Variants in VWC2 observed in about 807,000 individuals in gnomAD.
VWC2 encodes the protein brorin.
In VWC2, 14 loss-of-function variants were observed where a neutral mutation model predicts 29.8. That is an observed-to-expected ratio of 0.47 (90% CI 0.31 to 0.74). VWC2 has a LOEUF of 0.74. Among genes scored for constraint, VWC2 ranks in the 30% least tolerant of loss-of-function variants. The probability of loss-of-function intolerance (pLI) is 0.05; values close to 1 mark genes in which losing one functional copy is unlikely to be tolerated. For missense variants in VWC2, 457 were observed against 459.8 expected, an observed-to-expected ratio of 0.99 and a Z score of 0.05; for synonymous variants, 213 against 199.0, an observed-to-expected ratio of 1.07 and a Z score of -0.59.
At chr7:49,788,807 G>A (rs964611334) in intron 2 of VWC2, among the ~76,000 whole-genome samples, 11 of 146,012 alleles carry the variant, frequency 7.5e-5, no homozygotes, top group African/African-American at 2.0e-4. Context: ...TGACTGTGTG[G>A]GTGCGTGTGA....
chr7:49,844,165 G>C (rs1789864057), intron 3 of VWC2, among the ~76,000 whole-genome samples: 1 of 152,206 alleles, frequency 6.6e-6, no homozygotes, highest in African/African-American at 2.4e-5. Context: ...GGAAAGGTCT[G>C]CTCAGACGGG....
At position 49,915,613 on chromosome 7, in the gene VWC2, A is replaced by G. The variant is rs1420669891; in HGVS notation, c.*3428A>G. On this transcript the variant is annotated 3_prime_UTR_variant, in exon 4 of 4. Coordinates refer to ENST00000340652, the MANE Select transcript of VWC2 (RefSeq NM_198570.5). ...ACATTATCTGAAACTTACAAAATAT[A>G]CACTGTTTCAAACAAGCATTGTTGG... is the stretch of plus-strand genomic sequence containing the variant. The G allele has an allele frequency of 6.6e-6, 1 of 152,202 alleles. No homozygotes were observed. Among genetic ancestry groups the G allele is most frequent in the Non-Finnish European group, 1.5e-5 (1 of 68,032 alleles). The allele number at this position is 152,202 out of a possible 1,614,324, so 9.4% of individuals were successfully genotyped here. A position where few individuals can be genotyped will look rare whatever the true frequency, so the allele number is the denominator to read the frequency against.
chr7:49,863,957 TTTTC>T (rs1790776440), intron 3 of VWC2, among the ~76,000 whole-genome samples: 1 of 152,186 alleles, frequency 6.6e-6, no homozygotes, highest in Admixed American at 6.5e-5. Flanking sequence ...TTAAAATATT[TTTTC>T]TTTATTTTGT....
intron 3 of VWC2, among the ~76,000 whole-genome samples, chr7:49,884,924 T>G (rs1313203732): frequency 6.6e-6 from 1 of 152,126 alleles, no homozygotes; most frequent in African/African-American, 2.4e-5. Flanking sequence ...AACTAATTCC[T>G]TGACCAATGA....
intron 3 of VWC2, among the ~76,000 whole-genome samples, chr7:49,869,725 A>G (rs763650527): frequency 7.9e-5 from 12 of 152,186 alleles, no homozygotes; most frequent in Admixed American, 1.3e-4. Context: ...TTGATGTGAC[A>G]AACTTAAATC....
At chr7:49,817,132 G>A (rs531093716) in intron 3 of VWC2, among the ~76,000 whole-genome samples, 72 of 152,258 alleles carry the variant, frequency 4.7e-4, no homozygotes, top group Admixed American at 1.9e-3. Flanking sequence ...TTAAATTTCC[G>A]GCTGTATTTC....
intron 3 of VWC2, among the ~76,000 whole-genome samples, chr7:49,855,653 A>G (rs1384659908): frequency 3.9e-5 from 6 of 152,194 alleles, no homozygotes; most frequent in African/African-American, 1.4e-4. Flanking sequence ...CAGTTCTCCA[A>G]AATAATTTCT....
chr7:49,888,812 G>A (rs891223759), intron 3 of VWC2, among the ~76,000 whole-genome samples: 1 of 152,152 alleles, frequency 6.6e-6, no homozygotes, highest in Non-Finnish European at 1.5e-5. Flanking sequence ...TTTGGGGGCC[G>A]AGGCAGGAGA....
chr7:49,860,809 A>G lies in VWC2; in HGVS notation c.827-51225A>G, dbSNP rs564437632. Among the ~76,000 whole-genome samples the G allele has an allele frequency of 1.1e-3, 174 of 152,352 alleles. 1 individual carries two copies. Among genetic ancestry groups the G allele is most frequent in the African/African-American group, 4.0e-3 (165 of 41,582 alleles). On this transcript the variant is annotated intron_variant, in intron 3 of 3. Coordinates refer to ENST00000340652, the MANE Select transcript of VWC2 (RefSeq NM_198570.5). ...TAATAGGGTTGGTCTCCCTATAAGA[A>G]GAAGAGACACCAAGGATGTGTGCAC...
intron 3 of VWC2, among the ~76,000 whole-genome samples, chr7:49,821,512 A>AT (rs1254703742): frequency 6.6e-6 from 1 of 152,228 alleles, no homozygotes; most frequent in African/African-American, 2.4e-5. Context: ...AGTAAAACAA[A>AT]TCCTGCTACT....
At chr7:49,889,509 G>A (rs1792038663) in intron 3 of VWC2, among the ~76,000 whole-genome samples, 1 of 152,186 alleles carries the variant, frequency 6.6e-6, no homozygotes, top group Non-Finnish European at 1.5e-5. Context: ...ATTGAAATGG[G>A]TCCAGTGAAA....
At chr7:49,851,358 A>T (rs1790172680) in intron 3 of VWC2, among the ~76,000 whole-genome samples, 1 of 152,160 alleles carries the variant, frequency 6.6e-6, no homozygotes, top group East Asian at 1.9e-4. Context: ...GTGGACAGAC[A>T]TTCTGGGAGC....
intron 3 of VWC2, among the ~76,000 whole-genome samples, chr7:49,878,851 G>C (rs1312538816): frequency 3.9e-5 from 6 of 152,134 alleles, no homozygotes; most frequent in Non-Finnish European, 2.9e-5. Flanking sequence ...TTATGTACCA[G>C]GCGTGGCTTT....
chr7:49,823,526 T>C (rs1281490516), intron 3 of VWC2, among the ~76,000 whole-genome samples: 2 of 152,158 alleles, frequency 1.3e-5, no homozygotes, highest in Non-Finnish European at 2.9e-5. Context: ...TCCCTGGACA[T>C]TGGGCATTTT....
intron 3 of VWC2, among the ~76,000 whole-genome samples, chr7:49,864,759 A>AC (rs986237652): frequency 5.3e-5 from 8 of 152,146 alleles, no homozygotes; most frequent in African/African-American, 1.4e-4. Flanking sequence ...TCCCTTCTGA[A>AC]CCCGGGACCA....
intron 3 of VWC2, among the ~76,000 whole-genome samples, chr7:49,817,569 A>T (rs950007265): frequency 6.6e-6 from 1 of 152,178 alleles, no homozygotes; most frequent in African/African-American, 2.4e-5. Context: ...CTCTTTGTTG[A>T]TCAGAAGACA....
chr7:49,866,637 G>A (rs1321608779), intron 3 of VWC2, among the ~76,000 whole-genome samples: 1 of 152,186 alleles, frequency 6.6e-6, no homozygotes, highest in Non-Finnish European at 1.5e-5. Flanking sequence ...TGTCACAAAA[G>A]ATGGTCAGTT....
At chr7:49,790,161 AG>A in intron 2 of VWC2, among the ~76,000 whole-genome samples, 1 of 152,240 alleles carries the variant, frequency 6.6e-6, no homozygotes, top group Non-Finnish European at 1.5e-5. Context: ...TGACCTAGCA[AG>A]TTCCTGTTGA....
At chr7:49,909,408 G>T (rs1421568246) in intron 3 of VWC2, among the ~76,000 whole-genome samples, 1 of 152,172 alleles carries the variant, frequency 6.6e-6, no homozygotes, top group African/African-American at 2.4e-5. Flanking sequence ...CATCCGAATG[G>T]TCACTGTGGC....
Sources: allele counts gnomAD v4.1 joint callset (sites outside exome capture counted in the v4.1 genomes callset), GRCh38; gene constraint gnomAD v4.1.1; transcripts MANE v1.5; gene names NCBI Gene and HGNC (gene_info 2026-07-23, HGNC 2026-07-21).